The following LRRC4C variants were observed in gnomAD, a reference collection of about 807,000 sequenced individuals.
LRRC4C encodes the protein leucine rich repeat containing 4C.
A neutral mutation model predicts 33.6 loss-of-function variants in LRRC4C; 5 were observed. That is an observed-to-expected ratio of 0.15 (90% CI 0.08 to 0.31). The LOEUF (loss-of-function observed/expected upper bound fraction) is 0.31, where lower values mean the gene tolerates loss of function less well. Ranked by LOEUF, LRRC4C falls within the 10% of genes least tolerant of loss-of-function variation. The pLI is 1.00. For missense variants in LRRC4C, 560 were observed against 796.7 expected, an observed-to-expected ratio of 0.70 and a Z score of 3.58; for synonymous variants, 329 against 302.0, an observed-to-expected ratio of 1.09 and a Z score of -0.93.
chr11:40,180,944 A>G (rs1451705765), intron 5 of LRRC4C, among the ~76,000 whole-genome samples: 1 of 152,200 alleles, frequency 6.6e-6, no homozygotes, highest in Non-Finnish European at 1.5e-5. Flanking sequence ...TTTTTCTCTG[A>G]TAATCACCAC....
chr11:41,445,866 A>G (rs7103995), intron 1 of LRRC4C, among the ~76,000 whole-genome samples: 73,774 of 149,430 alleles, frequency 0.49, 18,496 homozygotes, highest in Middle Eastern at 0.6. Context: ...GAGTGACTGC[A>G]TGTGTGTGTG....
At chr11:40,408,148 T>C (rs1257451358) in intron 3 of LRRC4C, among the ~76,000 whole-genome samples, 2 of 152,012 alleles carry the variant, frequency 1.3e-5, no homozygotes, top group African/African-American at 4.8e-5. Context: ...CTTTGATGGA[T>C]GTTCAGTTTT....
intron 3 of LRRC4C, among the ~76,000 whole-genome samples, chr11:40,472,676 G>T (rs1358603845): frequency 1.3e-5 from 2 of 151,832 alleles, no homozygotes; most frequent in East Asian, 2.0e-4. Context: ...CCAGGAGCTG[G>T]TTTTTTGAAA....
intron 1 of LRRC4C, among the ~76,000 whole-genome samples, chr11:41,410,547 T>C (rs1188971955): frequency 1.3e-5 from 2 of 151,908 alleles, no homozygotes; most frequent in Non-Finnish European, 2.9e-5. Flanking sequence ...TTCACGCCAT[T>C]CTCCTGCCTC....
intron 1 of LRRC4C, among the ~76,000 whole-genome samples, chr11:41,040,400 G>A (rs958831523): frequency 6.6e-6 from 1 of 152,098 alleles, no homozygotes; most frequent in African/African-American, 2.4e-5. Context: ...AGCATCCTGA[G>A]GTCTTTCAAG....
chr11:40,534,482 C>T (rs931070586), intron 3 of LRRC4C, among the ~76,000 whole-genome samples: 2 of 152,118 alleles, frequency 1.3e-5, no homozygotes, highest in Non-Finnish European at 2.9e-5. Flanking sequence ...GCCTTGTTTG[C>T]CTGCTTTCTA....
At chr11:40,154,949 T>C (rs1431496209) in intron 5 of LRRC4C, among the ~76,000 whole-genome samples, 1 of 152,168 alleles carries the variant, frequency 6.6e-6, no homozygotes, top group East Asian at 1.9e-4. Context: ...GACCATATGA[T>C]AGGCCATAAA....
chr11:40,147,173 C>A (rs141824178), intron 5 of LRRC4C, among the ~76,000 whole-genome samples: 1 of 152,254 alleles, frequency 6.6e-6, no homozygotes, highest in East Asian at 1.9e-4. Context: ...TGGGCACTGA[C>A]CGCCACTTGC....
chr11:40,183,850 C>T (rs16934423), intron 5 of LRRC4C, among the ~76,000 whole-genome samples: 11,328 of 152,206 alleles, frequency 0.074, 750 homozygotes, highest in African/African-American at 0.19. Flanking sequence ...TAGAGGTTGG[C>T]TAGTACTCTA....
intron 3 of LRRC4C, among the ~76,000 whole-genome samples, chr11:40,633,371 T>TTCTCTTTCTTTCTTTCTC (rs1963664869): frequency 2.1e-5 from 2 of 96,308 alleles, no homozygotes; most frequent in African/African-American, 6.9e-5. Flanking sequence ...CTTTCTTTCT[T>TTCTCTTTCTTTCTTTCTC]TCTCTCTCTT....
chr11:41,345,022 G>A (rs1257996133), intron 1 of LRRC4C, among the ~76,000 whole-genome samples: 1 of 151,998 alleles, frequency 6.6e-6, no homozygotes, highest in Non-Finnish European at 1.5e-5. Flanking sequence ...ATTAACCCAT[G>A]ATGGTTTGTG....
chr11:40,325,350 G>A (rs1452482), intron 3 of LRRC4C, among the ~76,000 whole-genome samples: 146,028 of 152,288 alleles, frequency 0.96, 70,320 homozygotes, highest in Middle Eastern at 1. Context: ...TTAAGAATCC[G>A]GGCCAGTCAT....
chr11:40,492,234 C>A (rs1004395819), intron 3 of LRRC4C, among the ~76,000 whole-genome samples: 1 of 152,156 alleles, frequency 6.6e-6, no homozygotes, highest in African/African-American at 2.4e-5. Flanking sequence ...ATTTGTCACT[C>A]GACTACGTTG....
chr11:41,208,177 G>A (rs902114566), intron 1 of LRRC4C, among the ~76,000 whole-genome samples: 2 of 152,162 alleles, frequency 1.3e-5, no homozygotes, highest in African/African-American at 2.4e-5. Flanking sequence ...TGGAAAGAAG[G>A]CAATCATGTG....
intron 1 of LRRC4C, among the ~76,000 whole-genome samples, chr11:41,452,830 G>A (rs915146086): frequency 2.6e-5 from 4 of 151,826 alleles, no homozygotes; most frequent in African/African-American, 7.3e-5. Flanking sequence ...AATTTGTATC[G>A]TCTCTGGCAC....
Position 40,148,034 on chromosome 11 carries a change from G to A in LRRC4C, c.-95-7181C>T, listed in dbSNP as rs542498355. Among the ~76,000 whole-genome samples, 8 of 152,110 alleles carry A rather than the reference G, an allele frequency of 5.3e-5. No homozygotes were observed. The South Asian group carries it at 1.0e-3, about 20-fold the overall frequency. ...CCTGTGCTACTTTGCTAAGAATAAC[G>A]GCCTCCAGCTTCATCCATGTCCATA... On this transcript the variant is annotated intron_variant, in intron 5 of 6. Transcript: ENST00000528697.
intron 2 of LRRC4C, among the ~76,000 whole-genome samples, chr11:40,919,516 C>T (rs1432125385): frequency 6.6e-6 from 1 of 152,128 alleles, no homozygotes; most frequent in Non-Finnish European, 1.5e-5. Flanking sequence ...GGTCTCTCAG[C>T]TATTCTTTCT....
At chr11:40,800,799 TA>T (rs1407249540) in intron 2 of LRRC4C, among the ~76,000 whole-genome samples, 1 of 152,188 alleles carries the variant, frequency 6.6e-6, no homozygotes, top group Non-Finnish European at 1.5e-5. Flanking sequence ...CTTTTTCAGA[TA>T]CTTTCATTGA....
At chr11:40,223,800 C>T (rs1864587775) in intron 5 of LRRC4C, among the ~76,000 whole-genome samples, 1 of 152,122 alleles carries the variant, frequency 6.6e-6, no homozygotes, top group Non-Finnish European at 1.5e-5. Flanking sequence ...GCCTCCTTTC[C>T]AAGACCTTCC....
Sources: allele counts gnomAD v4.1 joint callset (sites outside exome capture counted in the v4.1 genomes callset), GRCh38; gene constraint gnomAD v4.1.1; transcripts MANE v1.5; gene names NCBI Gene and HGNC (gene_info 2026-07-23, HGNC 2026-07-21).